CTNNA3: variants seen among roughly 807,000 people sequenced by gnomAD.
CTNNA3 encodes catenin alpha-3.
In CTNNA3, 76 loss-of-function variants were observed where a neutral mutation model predicts 95.7. The observed-to-expected ratio is 0.79, with a 90% CI of 0.66 to 0.96. The LOEUF (loss-of-function observed/expected upper bound fraction) is 0.96, where lower values mean the gene tolerates loss of function less well. Ranked by LOEUF, CTNNA3 falls within the 40% of genes least tolerant of loss-of-function variation. The pLI, the probability that CTNNA3 is intolerant of heterozygous loss-of-function variation, is 0.00. For missense variants in CTNNA3, 1,191 were observed against 1,089.8 expected, an observed-to-expected ratio of 1.09 and a Z score of -1.31; for synonymous variants, 431 against 374.4, an observed-to-expected ratio of 1.15 and a Z score of -1.74.
chr10:66,953,753 T>C (rs1848655555), intron 7 of CTNNA3, among the ~76,000 whole-genome samples: 1 of 152,190 alleles, frequency 6.6e-6, no homozygotes, highest in South Asian at 2.1e-4. Context: ...GACACTGTCC[T>C]CCTAAGATAA....
chr10:67,684,703 G>C (rs753742018), intron 1 of CTNNA3, among the ~76,000 whole-genome samples: 23 of 152,198 alleles, frequency 1.5e-4, no homozygotes, highest in African/African-American at 1.9e-4. Context: ...GAAGTTGTTA[G>C]TTGAGCTCAT....
At chr10:67,692,549 C>A (rs1198985781) in intron 1 of CTNNA3, among the ~76,000 whole-genome samples, 1 of 137,696 alleles carries the variant, frequency 7.3e-6, no homozygotes, top group Non-Finnish European at 1.6e-5. Context: ...CAGCATGCTC[C>A]TTAAGAGTCA....
In CTNNA3 at chr10:67,687,211, G is replaced by A. The variant is rs183103357; in HGVS notation, c.-6+8789C>T. The stretch of plus-strand genomic sequence containing the variant: ...TGGCCCTCAATGGTTAAACATACCC[G>A]GGGCTCAGTGAGGGTGATGACATGA... On this transcript the variant is annotated intron_variant, in intron 1 of 17. Transcript: ENST00000433211. Among the ~76,000 whole-genome samples the A allele has an allele frequency of 1.1e-3, 160 of 152,226 alleles. 1 individual carries two copies. Among genetic ancestry groups the A allele is most frequent in the African/African-American group, 3.6e-3 (150 of 41,540 alleles).
At chr10:67,349,941 G>A (rs1842570368) in intron 5 of CTNNA3, among the ~76,000 whole-genome samples, 1 of 152,062 alleles carries the variant, frequency 6.6e-6, no homozygotes, top group Non-Finnish European at 1.5e-5. Flanking sequence ...TAAGGTATCA[G>A]GGCACTCAGT....
chr10:66,937,091 T>A (rs1477732690), intron 7 of CTNNA3, among the ~76,000 whole-genome samples: 1 of 151,420 alleles, frequency 6.6e-6, no homozygotes, highest in African/African-American at 2.4e-5. Context: ...ATTTGAGAAT[T>A]TTTTTTTCAG....
chr10:66,100,752 C>G (rs2081592430), intron 14 of CTNNA3, among the ~76,000 whole-genome samples: 1 of 152,012 alleles, frequency 6.6e-6, no homozygotes, highest in East Asian at 1.9e-4. Flanking sequence ...GGACCAAGAA[C>G]AAAAATACAA....
intron 5 of CTNNA3, among the ~76,000 whole-genome samples, chr10:67,232,133 A>G (rs1298476681): frequency 5.9e-5 from 9 of 152,122 alleles, no homozygotes; most frequent in Non-Finnish European, 1.3e-4. Flanking sequence ...AAGGCAGGCC[A>G]ACATTCAGAT....
intron 7 of CTNNA3, among the ~76,000 whole-genome samples, chr10:66,983,200 C>T (rs142028998): frequency 2.9e-4 from 44 of 152,256 alleles, no homozygotes; most frequent in African/African-American, 7.5e-4. Context: ...TCAGCACACT[C>T]GGCAGAAAGA....
At chr10:67,545,198 G>A (rs1840811221) in intron 3 of CTNNA3, among the ~76,000 whole-genome samples, 1 of 152,054 alleles carries the variant, frequency 6.6e-6, no homozygotes. Flanking sequence ...AAAATTTGAT[G>A]GGGCTAGTTT....
chr10:66,778,213 T>C (rs1432620942), intron 7 of CTNNA3, among the ~76,000 whole-genome samples: 1 of 152,192 alleles, frequency 6.6e-6, no homozygotes, highest in Non-Finnish European at 1.5e-5. Context: ...TTTTATTGGA[T>C]CCTTGCTCTA....
intron 17 of CTNNA3, among the ~76,000 whole-genome samples, chr10:65,954,524 A>G (rs1020094392): frequency 5.3e-5 from 8 of 152,182 alleles, no homozygotes; most frequent in Admixed American, 1.3e-4. Flanking sequence ...TTTTAGGTCT[A>G]ACATTTAAGT....
chr10:65,932,335 T>A (rs1012167680), intron 17 of CTNNA3, among the ~76,000 whole-genome samples: 2 of 152,218 alleles, frequency 1.3e-5, no homozygotes, highest in African/African-American at 2.4e-5. Context: ...CACTCCTTTA[T>A]CAATTGTTAT....
chr10:67,251,842 A>G (rs538203603), intron 5 of CTNNA3, among the ~76,000 whole-genome samples: 1 of 152,186 alleles, frequency 6.6e-6, no homozygotes, highest in Non-Finnish European at 1.5e-5. Flanking sequence ...ACGTAAACAC[A>G]GAGAGACATG....
At chr10:67,069,473 G>A (rs1044674456) in intron 7 of CTNNA3, among the ~76,000 whole-genome samples, 3 of 151,978 alleles carry the variant, frequency 2.0e-5, no homozygotes, top group Non-Finnish European at 2.9e-5. Context: ...TACATATCAT[G>A]ATGGTGAATA....
chr10:66,643,994 A>G (rs1845605760), intron 9 of CTNNA3, among the ~76,000 whole-genome samples: 1 of 152,182 alleles, frequency 6.6e-6, no homozygotes, highest in Admixed American at 6.5e-5. Flanking sequence ...ATGGAGGCTC[A>G]TGCCTATAAT....
At position 66,215,039 on chromosome 10, in the gene CTNNA3, G is replaced by T. The variant is rs528154124; in HGVS notation, c.1884+65431C>A. On this transcript the variant is annotated intron_variant, in intron 13 of 17. Coordinates refer to ENST00000433211, the MANE Select transcript of CTNNA3 (RefSeq NM_013266.4). The stretch of plus-strand genomic sequence containing the variant: ...GATATGCAGAAATTTCTGTTATTGT[G>T]AAATATAAACTAATACTTGAAAAAA... 8.6e-4 allele frequency among the ~76,000 whole-genome samples: 130 copies of T among 150,674 alleles called. 1 individual carries two copies. Among genetic ancestry groups the T allele is most frequent in the African/African-American group, 3.1e-3 (127 of 41,406 alleles).
chr10:67,112,620 A>T (rs1858964474), intron 7 of CTNNA3, among the ~76,000 whole-genome samples: 2 of 102,892 alleles, frequency 1.9e-5, no homozygotes, highest in African/African-American at 5.7e-5. Context: ...TTCGTTTTTC[A>T]TTCTTTTTTT....
intron 7 of CTNNA3, among the ~76,000 whole-genome samples, chr10:67,056,716 T>C (rs567076553): frequency 1.3e-5 from 2 of 152,330 alleles, no homozygotes; most frequent in African/African-American, 4.8e-5. Context: ...TCAATCACTA[T>C]GATCTCAAGA....
intron 9 of CTNNA3, among the ~76,000 whole-genome samples, chr10:66,726,857 A>G (rs567659661): frequency 6.6e-6 from 1 of 152,242 alleles, no homozygotes; most frequent in South Asian, 2.1e-4. Flanking sequence ...AAGCATGGAC[A>G]TAAGATCTGA....
Sources: allele counts gnomAD v4.1 joint callset (sites outside exome capture counted in the v4.1 genomes callset), GRCh38; gene constraint gnomAD v4.1.1; transcripts MANE v1.5; gene names NCBI Gene and HGNC (gene_info 2026-07-23, HGNC 2026-07-21).